ANKAR: variants seen among roughly 807,000 people sequenced by gnomAD.
ANKAR encodes the protein ankyrin and armadillo repeat-containing protein.
ANKAR carries 136 observed loss-of-function variants against 146.2 expected under a neutral mutation model. That is an observed-to-expected ratio of 0.93 (90% CI 0.81 to 1.07). ANKAR has a LOEUF of 1.07. Among genes scored for constraint, ANKAR ranks in the 50% least tolerant of loss-of-function variants. The pLI, the probability that ANKAR is intolerant of heterozygous loss-of-function variation, is 0.00. For synonymous variants in ANKAR, 500 were observed against 575.8 expected, an observed-to-expected ratio of 0.87 and a Z score of 1.88; for missense variants, 1,567 against 1,679.9, an observed-to-expected ratio of 0.93 and a Z score of 1.18.
chr2:189,723,706 C>G (rs1167525088), intron 12 of ANKAR, among the ~76,000 whole-genome samples: 1 of 152,174 alleles, frequency 6.6e-6, no homozygotes. Context: ...CTTTAGCCAA[C>G]TCTTAAAAGT....
At chr2:189,753,895 A>G (rs1221176630) in intron 18 of ANKAR, 4 of 1,610,088 alleles carry the variant, frequency 2.5e-6, no homozygotes, top group Non-Finnish European at 3.4e-6. Flanking sequence ...AACTATTACT[A>G]TAAAATGAGA....
chr2:189,744,423 T>C (rs1239608926), intron 21 of ANKAR, among the ~76,000 whole-genome samples: 1 of 152,218 alleles, frequency 6.6e-6, no homozygotes, highest in East Asian at 1.9e-4. Flanking sequence ...GTGACGACTT[T>C]GTAGGAATTA....
At chr2:189,700,207 T>G (rs756711048) in intron 7 of ANKAR, among the ~76,000 whole-genome samples, 5 of 152,194 alleles carry the variant, frequency 3.3e-5, no homozygotes, top group Non-Finnish European at 7.3e-5. Context: ...TATTCCTCAT[T>G]CACTTTTGAA....
intron 8 of ANKAR, among the ~76,000 whole-genome samples, chr2:189,706,088 A>T (rs2038901907): frequency 6.6e-6 from 1 of 151,688 alleles, no homozygotes; most frequent in South Asian, 2.1e-4. Flanking sequence ...TTTCACCATC[A>T]TGTCTAGCCA....
chr2:189,729,695 C>CGTGTGTGTGTGTGTGTGT (rs139823318), intron 15 of ANKAR, among the ~76,000 whole-genome samples: 8,812 of 94,176 alleles, frequency 0.094, 901 homozygotes, highest in African/African-American at 0.24. Flanking sequence ...ATCAGCTGTG[C>CGTGTGTGTGTGTGTGTGT]GTGTGTGTGT....
chr2:189,718,781 C>T (rs1460940078), intron 10 of ANKAR, among the ~76,000 whole-genome samples: 1 of 139,276 alleles, frequency 7.2e-6, no homozygotes, highest in African/African-American at 2.7e-5. Flanking sequence ...CTCGCTCTGT[C>T]GCCCAGGCCG....
intron 2 of ANKAR, among the ~76,000 whole-genome samples, chr2:189,677,672 T>C (rs1018197084): frequency 1.3e-5 from 2 of 151,690 alleles, no homozygotes; most frequent in Admixed American, 6.6e-5. Flanking sequence ...TTTCTTTCTT[T>C]CTTTTTTTTT....
intron 7 of ANKAR, among the ~76,000 whole-genome samples, chr2:189,700,150 A>G (rs747645037): frequency 8.6e-5 from 13 of 151,970 alleles, no homozygotes; most frequent in Non-Finnish European, 1.5e-4. Flanking sequence ...CTTGCAGGGC[A>G]GGTCTACTGG....
Position 189,674,784 on chromosome 2 carries a change from C to G in ANKAR, c.-82C>G, listed in dbSNP as rs1337772432. On this transcript the variant is annotated 5_prime_UTR_variant, in exon 1 of 23. Coordinates refer to ENST00000684021, the MANE Select transcript of ANKAR (RefSeq NM_001378068.1). ...ACTGTTCTCAGCCCCACGGGAACGC[C>G]GCGGACGCAGCGTCCCTCTCCCGGA... 1.3e-5 allele frequency: 2 copies of G among 152,302 alleles called. No homozygotes were observed. Among genetic ancestry groups the G allele is most frequent in the African/African-American group, 2.4e-5 (1 of 41,466 alleles). 9.4% of individuals were successfully genotyped at this position (152,302 alleles called of 1,614,324 possible).
intron 7 of ANKAR, among the ~76,000 whole-genome samples, chr2:189,700,615 C>T (rs1336796005): frequency 1.3e-5 from 2 of 152,072 alleles, no homozygotes; most frequent in Admixed American, 6.6e-5. Context: ...CACCTTGTTG[C>T]GCTAGCAAAT....
intron 21 of ANKAR, among the ~76,000 whole-genome samples, chr2:189,743,796 C>T (rs1049893419): frequency 7.9e-5 from 12 of 152,176 alleles, no homozygotes; most frequent in African/African-American, 2.9e-4. Context: ...ACTAGGGATA[C>T]ATTTGAGAGT....
intron 18 of ANKAR, chr2:189,753,987 C>A: frequency 6.2e-7 from 1 of 1,613,798 alleles, no homozygotes; most frequent in Non-Finnish European, 8.5e-7. Flanking sequence ...GTTCTTTTCA[C>A]AAGATGACAT....
At chr2:189,687,422 G>A (rs536771623) in intron 2 of ANKAR, among the ~76,000 whole-genome samples, 3 of 152,256 alleles carry the variant, frequency 2.0e-5, no homozygotes, top group African/African-American at 4.8e-5. Context: ...TGCCACAAAC[G>A]TGGGAGTGCA....
downstream of ANKAR, chr2:189,763,051 T>C (rs899218840): frequency 1.4e-5 from 14 of 985,284 alleles, no homozygotes; most frequent in Non-Finnish European, 1.7e-5. Context: ...AAAGAAATTT[T>C]TTTTTTGCCC....
At chr2:189,730,685 A>T (rs1289231654) in intron 16 of ANKAR, 84 bp downstream of exon 16, 5 of 599,348 alleles carry the variant, frequency 8.3e-6, no homozygotes, top group African/African-American at 1.9e-5. Flanking sequence ...ATTCAAGTTC[A>T]TAAACATAAA....
chr2:189,726,928 G>T (rs143773368), intron 12 of ANKAR, among the ~76,000 whole-genome samples: 143 of 152,094 alleles, frequency 9.4e-4, no homozygotes, highest in Middle Eastern at 3.4e-3. Context: ...ATAAATCCAG[G>T]TAAAGGTATA....
At position 189,743,338 on chromosome 2, in the gene ANKAR, C is replaced by G; in HGVS notation, c.3874C>G (p.Leu1292Val). 6.2e-7 allele frequency: 1 copy of G among 1,614,002 alleles called. No homozygotes were observed. Among genetic ancestry groups the G allele is most frequent in the Non-Finnish European group, 8.5e-7 (1 of 1,179,976 alleles). ...LTYNANAFRI[L>V]LKECRNKPNQ... Reference sequence around the variant, plus strand: ...ATACAATGCAAATGCTTTCCGCATCCTATTAAAAGAATGCAGGAATAAACC... The same window carrying G: ...ATACAATGCAAATGCTTTCCGCATCGTATTAAAAGAATGCAGGAATAAACC... The change falls in exon 21 of 23, where the codon CTA (leucine) becomes GTA (valine). Residue 1292 changes from leucine to valine, a missense_variant. Physicochemically the swap from Leu to Val is conservative, Grantham distance 32. Transcript: ENST00000684021.
At chr2:189,750,444 TCAAATAGA>T, downstream of ANKAR, 2 of 422,882 alleles carry the variant, frequency 4.7e-6, no homozygotes, top group Middle Eastern at 5.8e-4. Context: ...AGGTAAAACA[TCAAATAGA>T]AAAAAAAAAA....
intron 3 of ANKAR, among the ~76,000 whole-genome samples, chr2:189,690,755 G>C (rs2036267593): frequency 6.6e-6 from 1 of 152,148 alleles, no homozygotes; most frequent in South Asian, 2.1e-4. Flanking sequence ...ATTAGAAATG[G>C]AATTATGACA....
Sources: gnomAD v4.1 joint callset for allele counts (sites outside exome capture counted in the v4.1 genomes callset) on GRCh38, gnomAD v4.1.1 for gene constraint, MANE v1.5 for transcripts, NCBI Gene and HGNC (gene_info 2026-07-23, HGNC 2026-07-21) for gene names.